Variants in PHTF2 observed in about 807,000 individuals in gnomAD.
PHTF2 encodes putative homeodomain transcription factor 2, also known as protein PHTF2.
Under a neutral mutation model 101.2 loss-of-function variants are expected in PHTF2, and 60 were observed. That is an observed-to-expected ratio of 0.59 (90% confidence interval 0.48 to 0.73). The LOEUF is 0.73. Among genes scored for constraint, PHTF2 ranks in the 30% least tolerant of loss-of-function variants. The pLI, the probability that PHTF2 is intolerant of heterozygous loss-of-function variation, is 0.00. For synonymous variants in PHTF2, 311 were observed against 307.3 expected, an observed-to-expected ratio of 1.01 and a Z score of -0.13; for missense variants, 747 against 908.7, an observed-to-expected ratio of 0.82 and a Z score of 2.29.
chr7:77,814,935 G>T (rs949350695), intron 1 of PHTF2, among the ~76,000 whole-genome samples: 4 of 152,050 alleles, frequency 2.6e-5, no homozygotes, highest in African/African-American at 9.7e-5. Context: ...AAATTAGCCA[G>T]ACTTGGTGGC....
intron 1 of PHTF2, among the ~76,000 whole-genome samples, chr7:77,809,767 T>C (rs1793291907): frequency 6.6e-6 from 1 of 152,236 alleles, no homozygotes. Context: ...TAAGGACTGT[T>C]GAAAATCTCT....
intron 3 of PHTF2, among the ~76,000 whole-genome samples, chr7:77,891,307 G>A (rs959700112): frequency 1.3e-5 from 2 of 152,160 alleles, no homozygotes; most frequent in African/African-American, 4.8e-5. Context: ...AATTATTCAT[G>A]TGGAATCTAT....
chr7:77,809,224 G>GTTTTTTTTTTTTTTTTTTTTTT (rs34141515), intron 1 of PHTF2, among the ~76,000 whole-genome samples: 3 of 98,510 alleles, frequency 3.0e-5, no homozygotes, highest in African/African-American at 4.5e-5. Flanking sequence ...CCAGTTCGTT[G>GTTTTTTTTTTTTTTTTTTTTTT]TTTTTTTTTT....
intron 11 of PHTF2, chr7:77,923,030 G>C (rs1803630631): frequency 8.8e-7 from 1 of 1,137,906 alleles, no homozygotes. Context: ...TTTGTTGTTT[G>C]CTTTTAAAGA....
At chr7:77,944,886 A>G (rs1303755457) in intron 16 of PHTF2, among the ~76,000 whole-genome samples, 1 of 152,258 alleles carries the variant, frequency 6.6e-6, no homozygotes, top group Admixed American at 6.5e-5. Flanking sequence ...CTGACTTTTA[A>G]AACACAATGA....
intron 2 of PHTF2, among the ~76,000 whole-genome samples, chr7:77,847,312 T>G (rs17158737): frequency 0.012 from 1,876 of 152,302 alleles, 35 homozygotes; most frequent in African/African-American, 0.043. Context: ...CTTATTACAT[T>G]TTCACTTTTA....
At chr7:77,832,182 C>A (rs894626876) in intron 1 of PHTF2, among the ~76,000 whole-genome samples, 2 of 151,974 alleles carry the variant, frequency 1.3e-5, no homozygotes, top group Non-Finnish European at 2.9e-5. Context: ...CAAATGTGTT[C>A]GAGTCAGTAG....
chr7:77,936,941 T>C (rs1445330534), intron 12 of PHTF2, among the ~76,000 whole-genome samples: 3 of 151,866 alleles, frequency 2.0e-5, no homozygotes, highest in Admixed American at 6.6e-5. Flanking sequence ...GGTCAGGAGT[T>C]AGAGACCAGC....
intron 7 of PHTF2, among the ~76,000 whole-genome samples, chr7:77,907,059 G>GTAC (rs1468505305): frequency 6.6e-6 from 1 of 151,528 alleles, no homozygotes; most frequent in Non-Finnish European, 1.5e-5. Context: ...CCTATGTACT[G>GTAC]TATGTATGCT....
intron 1 of PHTF2, among the ~76,000 whole-genome samples, chr7:77,817,398 C>T (rs1243933647): frequency 1.3e-5 from 2 of 152,140 alleles, no homozygotes; most frequent in African/African-American, 2.4e-5. Context: ...TTAATTGACT[C>T]ACAGTTGAGC....
chr7:77,862,395 T>C (rs1351532518), intron 3 of PHTF2, among the ~76,000 whole-genome samples: 1 of 152,212 alleles, frequency 6.6e-6, no homozygotes, highest in Non-Finnish European at 1.5e-5. Context: ...AGACTAGGAA[T>C]TTCTATATAG....
At chr7:77,890,779 G>T (rs1384256783) in intron 3 of PHTF2, among the ~76,000 whole-genome samples, 1 of 151,094 alleles carries the variant, frequency 6.6e-6, no homozygotes, top group Non-Finnish European at 1.5e-5. Flanking sequence ...CTAATTTTTT[G>T]TATTTTTAGT....
chr7:77,836,372 C>T (rs1031895301), intron 1 of PHTF2, among the ~76,000 whole-genome samples: 8 of 152,204 alleles, frequency 5.3e-5, no homozygotes, highest in Non-Finnish European at 7.4e-5. Context: ...AGCGGACCAG[C>T]GCAGCTTACC....
intron 3 of PHTF2, among the ~76,000 whole-genome samples, chr7:77,869,921 A>G (rs914756527): frequency 2.0e-5 from 3 of 151,972 alleles, no homozygotes; most frequent in African/African-American, 7.2e-5. Flanking sequence ...TCTTTTACCC[A>G]TATATTTGAA....
At chr7:77,908,418 C>G (rs1033896924) in intron 7 of PHTF2, among the ~76,000 whole-genome samples, 1 of 152,140 alleles carries the variant, frequency 6.6e-6, no homozygotes. Flanking sequence ...GTATGATACA[C>G]TTATCATAAG....
At chr7:77,890,605 T>TA (rs1266590267) in intron 3 of PHTF2, among the ~76,000 whole-genome samples, 96 of 139,146 alleles carry the variant, frequency 6.9e-4, no homozygotes, top group African/African-American at 2.5e-3. Context: ...TACACTTTTT[T>TA]TTTTTTTTTT....
chr7:77,800,946 C>T (rs1792492422), intron 1 of PHTF2, among the ~76,000 whole-genome samples: 1 of 152,172 alleles, frequency 6.6e-6, no homozygotes, highest in Non-Finnish European at 1.5e-5. Flanking sequence ...AGCCATTATA[C>T]TTTATTACCA....
intron 16 of PHTF2, among the ~76,000 whole-genome samples, chr7:77,945,846 C>G (rs922142780): frequency 3.3e-5 from 5 of 151,974 alleles, no homozygotes; most frequent in African/African-American, 1.2e-4. Flanking sequence ...AATATGCCAC[C>G]AACAAAAATC....
At chr7:77,950,776 T>G (rs1306644161) in intron 17 of PHTF2, among the ~76,000 whole-genome samples, 1 of 152,260 alleles carries the variant, frequency 6.6e-6, no homozygotes, top group Non-Finnish European at 1.5e-5. Flanking sequence ...GTGGCCTTTC[T>G]GTAGACTTGT....
Sources: gnomAD v4.1 joint callset for allele counts (sites outside exome capture counted in the v4.1 genomes callset) on GRCh38, gnomAD v4.1.1 for gene constraint, MANE v1.5 for transcripts, NCBI Gene and HGNC (gene_info 2026-07-23, HGNC 2026-07-21) for gene names.